TEX52: variants seen among roughly 807,000 people sequenced by gnomAD.
TEX52 encodes the protein testis expressed 52.
Under a neutral mutation model 17.6 loss-of-function variants are expected in TEX52, and 22 were observed. The observed-to-expected ratio is 1.25, with a 90% CI of 0.89 to 1.78. The LOEUF (loss-of-function observed/expected upper bound fraction) is 1.78, where lower values mean the gene tolerates loss of function less well. TEX52 is among the 40% of genes most tolerant of loss of function. The pLI, the probability that TEX52 is intolerant of heterozygous loss-of-function variation, is 0.00. For synonymous variants in TEX52, 168 were observed against 147.4 expected, an observed-to-expected ratio of 1.14 and a Z score of -1.01; for missense variants, 396 against 372.3, an observed-to-expected ratio of 1.06 and a Z score of -0.52.
intron 2 of TEX52, among the ~76,000 whole-genome samples, chr12:2,854,278 G>C (rs1257426413): frequency 6.6e-6 from 1 of 152,198 alleles, no homozygotes; most frequent in African/African-American, 2.4e-5. Flanking sequence ...GGCCGCCTCG[G>C]CCTCCTAAAG....
chr12:2,854,302 G>C (rs1336861527), intron 2 of TEX52, among the ~76,000 whole-genome samples: 4 of 152,246 alleles, frequency 2.6e-5, no homozygotes, highest in Admixed American at 2.0e-4. Flanking sequence ...TGGGATTACA[G>C]GCGTGAGCCA....
intron 2 of TEX52, among the ~76,000 whole-genome samples, chr12:2,854,253 T>G (rs1030189656): frequency 7.9e-5 from 12 of 152,076 alleles, no homozygotes; most frequent in South Asian, 2.1e-4. Context: ...TGGAACTCCC[T>G]ACCTCAGGTG....
chr12:2,856,964 AG>A lies in TEX52; in HGVS notation c.62del (p.Pro21LeufsTer45). On this transcript the variant is annotated frameshift_variant, in exon 1 of 3. Coordinates refer to ENST00000637658, the MANE Select transcript of TEX52 (RefSeq NM_001365174.2). LOFTEE classifies it high-confidence loss of function. Reference sequence around the variant, plus strand: ...ATGGGCCACCCCCTACCTGCAGGAAAGGTTCTTCCATATGAGATGGGTGACT... The same window carrying A: ...ATGGGCCACCCCCTACCTGCAGGAAAGTTCTTCCATATGAGATGGGTGACT... ...GPSHPSHMEE[P>X]FLQMVQASES... The A allele has an allele frequency of 1.4e-6, 1 of 703,014 alleles. No homozygotes were observed. Among genetic ancestry groups the A allele is most frequent in the Admixed American group, 2.0e-5 (1 of 50,014 alleles). 43.5% of individuals were successfully genotyped at this position (703,014 alleles called of 1,614,324 possible).
Position 2,856,968 on chromosome 12 carries a change from T to G in TEX52, c.59A>C (p.Glu20Ala), listed in dbSNP as rs114211900. Residue 20 changes from glutamate (E) to alanine (A), a missense_variant, in exon 1 of 3, where the codon GAA (glutamate) becomes GCA (alanine). Glu to Ala is a moderately radical substitution (Grantham distance 107, BLOSUM62 -1). Coordinates refer to ENST00000637658, the MANE Select transcript of TEX52 (RefSeq NM_001365174.2). The stretch of plus-strand genomic sequence containing the variant: ...GCCACCCCCTACCTGCAGGAAAGGT[T>G]CTTCCATATGAGATGGGTGACTGGG... ...RGPSHPSHME[E>A]PFLQMVQASE... The G allele has an allele frequency of 6.1e-3, 4,319 of 703,014 alleles. 132 individuals are homozygous for G. The African/African-American group carries it at 0.066, about 11-fold the overall frequency. 43.5% of individuals were successfully genotyped at this position (703,014 alleles called of 1,614,324 possible).
intron 2 of TEX52, among the ~76,000 whole-genome samples, chr12:2,851,385 A>G (rs2098070351): frequency 6.6e-6 from 1 of 152,110 alleles, no homozygotes; most frequent in Non-Finnish European, 1.5e-5. Context: ...TCTGTCCCTG[A>G]TGCTCGAGCA....
At chr12:2,852,771 G>A (rs2098075179) in intron 2 of TEX52, among the ~76,000 whole-genome samples, 2 of 152,076 alleles carry the variant, frequency 1.3e-5, no homozygotes, top group South Asian at 2.1e-4. Context: ...TTGGGAGGCC[G>A]AGTTGGGCCT....
Position 2,857,035 on chromosome 12 carries a change from G to T in TEX52, c.-9C>A. On this transcript the variant is annotated 5_prime_UTR_variant, in exon 1 of 3. Transcript: ENST00000637658. The stretch of plus-strand genomic sequence containing the variant: ...TGCCGGTTACTGGCCATTCTTCTGG[G>T]CCTCAGAGCCAGGAGGGGCGGCTTT... The T allele has an allele frequency of 1.4e-6, 1 of 702,946 alleles. No individual in the cohort carries two copies. Among genetic ancestry groups the T allele is most frequent in the Non-Finnish European group, 2.6e-6 (1 of 384,962 alleles). The allele number at this position is 702,946 out of a possible 1,614,324, so 43.5% of individuals were successfully genotyped here.
Position 2,855,431 on chromosome 12 carries a change from C to G in TEX52, c.88G>C (p.Glu30Gln). The stretch of plus-strand genomic sequence containing the variant: ...CACGTTTGGGAGGGTGGGAGGGACT[C>G]GCTGGCCTGGACCATCTAGGGAGAG... ...EPFLQMVQAS[E>Q]SLPPSQTWAQ... Residue 30 changes from glutamate to glutamine, a missense_variant, in exon 2 of 3, where the codon GAG (glutamate) becomes CAG (glutamine). By Grantham distance (29) the Glu-to-Gln change is conservative (BLOSUM62 2). Coordinates refer to ENST00000637658, the MANE Select transcript of TEX52 (RefSeq NM_001365174.2). 1 of 1,470,576 alleles carries G rather than the reference C, an allele frequency of 6.8e-7. No homozygotes were observed. Among genetic ancestry groups the G allele is most frequent in the Middle Eastern group, 2.4e-4 (1 of 4,128 alleles). The allele number at this position is 1,470,576 out of a possible 1,614,324, so 91.1% of individuals were successfully genotyped here. A position where few individuals can be genotyped will look rare whatever the true frequency, so the allele number is the denominator to read the frequency against.
chr12:2,855,150 C>T lies in TEX52; in HGVS notation c.369G>A (p.Trp123Ter), dbSNP rs201189252. 5 of 1,527,760 alleles carry T rather than the reference C, an allele frequency of 3.3e-6. No homozygotes were observed. Among genetic ancestry groups the T allele is most frequent in the Non-Finnish European group, 2.6e-6 (3 of 1,141,992 alleles). The allele number at this position is 1,527,760 out of a possible 1,614,324, so 94.6% of individuals were successfully genotyped here. A position where few individuals can be genotyped will look rare whatever the true frequency, so the allele number is the denominator to read the frequency against. ...ATCTGTGGGCATTGGAGTCGGTCAG[C>T]CAGCGCCAGACATTGCTATCGTAGG... ...DRPYDSNVWR[W>*]LTDSNAHRCP... Residue 123 changes from tryptophan (W) to a stop codon, truncating the protein, a stop_gained, in exon 2 of 3, where the codon TGG (tryptophan) becomes TGA (stop). Transcript: ENST00000637658. LOFTEE classifies it high-confidence loss of function.
intron 1 of TEX52, among the ~76,000 whole-genome samples, chr12:2,856,554 G>C (rs952358739): frequency 2.6e-5 from 4 of 152,054 alleles, no homozygotes; most frequent in Non-Finnish European, 5.9e-5. Context: ...TAGTAGAGAC[G>C]GTTTCATCAT....
chr12:2,857,022 G>A lies in TEX52; in HGVS notation c.5C>T (p.Ala2Val). The A allele has an allele frequency of 1.4e-6, 1 of 702,962 alleles. No homozygotes were observed. The allele number at this position is 702,962 out of a possible 1,614,324, so 43.5% of individuals were successfully genotyped here. A position where few individuals can be genotyped will look rare whatever the true frequency, so the allele number is the denominator to read the frequency against. The change falls in exon 1 of 3, where the codon GCC becomes GTC. Residue 2 changes from alanine (A) to valine (V), a missense_variant. Ala to Val is a moderately conservative substitution (Grantham distance 64). Transcript: ENST00000637658. M[A>V]SNRQRSLRGP... ...TCTGAGTGATCTTTGCCGGTTACTG[G>A]CCATTCTTCTGGGCCTCAGAGCCAG...
intron 2 of TEX52, among the ~76,000 whole-genome samples, chr12:2,851,993 T>C (rs997670453): frequency 6.6e-6 from 1 of 152,256 alleles, no homozygotes; most frequent in African/African-American, 2.4e-5. Context: ...AAATTTATTT[T>C]TAAAATGAGG....
chr12:2,853,613 G>T (rs56263422), intron 2 of TEX52, among the ~76,000 whole-genome samples: 7,526 of 113,908 alleles, frequency 0.066, 586 homozygotes, highest in African/African-American at 0.21. Context: ...TTTTGTTTTT[G>T]TTTTTTTTTC....
rs200437822 is a variant in TEX52 at position 2,849,369 on chromosome 12, C to T, written c.780G>A (p.Ala260=). ...CCCTTATGAGGTCCTGGCTCAGGGG[C>T]GCGCTGGGCAGCAAGGCCAGCTTTA... ...KVLKLALLPS[A]PLSQDLIRDF... is the part of the protein sequence containing the mutation. The change falls in exon 3 of 3, where the codon GCG becomes GCA. Residue 260 remains alanine, a synonymous_variant. Transcript: ENST00000637658. The T allele has an allele frequency of 2.2e-5, 34 of 1,536,028 alleles. 1 individual carries two copies. In the East Asian group the frequency reaches 4.6e-4, roughly 21 times the overall value.
chr12:2,850,247 G>A lies in TEX52; in HGVS notation c.624-722C>T, dbSNP rs544310896. ...TCCCAGCACTTTGGGAGGCCGAGGC[G>A]GGTGGATCACAAGGTCAAGAGTTCG... On this transcript the variant is annotated intron_variant, in intron 2 of 2. Coordinates refer to ENST00000637658, the MANE Select transcript of TEX52 (RefSeq NM_001365174.2). Among the ~76,000 whole-genome samples, 4 of 152,160 alleles carry A rather than the reference G, an allele frequency of 2.6e-5. No individual in the cohort carries two copies. The East Asian group carries it at 7.8e-4, about 29-fold the overall frequency.
chr12:2,854,305 G>A (rs558591365), intron 2 of TEX52, among the ~76,000 whole-genome samples: 2 of 152,312 alleles, frequency 1.3e-5, no homozygotes, highest in South Asian at 2.1e-4. Flanking sequence ...GATTACAGGC[G>A]TGAGCCACCA....
At chr12:2,851,045 T>C (rs1429610302) in intron 2 of TEX52, among the ~76,000 whole-genome samples, 3 of 139,028 alleles carry the variant, frequency 2.2e-5, no homozygotes, top group African/African-American at 8.0e-5. Flanking sequence ...CACGTGCCTG[T>C]AATCCCAGCT....
chr12:2,856,899 G>T (rs2098089069), intron 1 of TEX52, 56 bp downstream of exon 1: 5 of 702,812 alleles, frequency 7.1e-6, no homozygotes, highest in African/African-American at 1.7e-5. Flanking sequence ...ATAAGGGACA[G>T]CCTGTAGCCC....
chr12:2,855,694 C>T (rs977226291), intron 1 of TEX52, among the ~76,000 whole-genome samples: 1 of 152,176 alleles, frequency 6.6e-6, no homozygotes, highest in Admixed American at 6.5e-5. Flanking sequence ...TTGGCTTTGA[C>T]TTCCCACCCT....
Sources: gnomAD v4.1 joint callset for allele counts (sites outside exome capture counted in the v4.1 genomes callset) on GRCh38, gnomAD v4.1.1 for gene constraint, MANE v1.5 for transcripts, NCBI Gene and HGNC (gene_info 2026-07-23, HGNC 2026-07-21) for gene names.